The following CSMD3 variants were observed in gnomAD, a reference collection of about 807,000 sequenced individuals.
CSMD3 encodes CUB and Sushi multiple domains 3.
Under a neutral mutation model 435.2 loss-of-function variants are expected in CSMD3, and 177 were observed. The ratio of observed to expected loss-of-function variants is 0.41; its 90% CI spans 0.36 to 0.46. The LOEUF is 0.46. Ranked by LOEUF, CSMD3 falls within the 20% of genes least tolerant of loss-of-function variation. The pLI is 0.34. For synonymous variants in CSMD3, 1,656 were observed against 1,520.5 expected (o/e 1.09, Z -2.07); for missense variants, 4,265 against 4,504.6 (o/e 0.95, Z 1.52).
intron 20 of CSMD3, among the ~76,000 whole-genome samples, chr8:112,639,817 A>G (rs2074769650): frequency 2.0e-5 from 3 of 152,044 alleles, no homozygotes; most frequent in African/African-American, 7.2e-5. Flanking sequence ...TACCACATCT[A>G]TTTACCTGTT....
chr8:112,893,262 T>C (rs1199812049), intron 10 of CSMD3, among the ~76,000 whole-genome samples: 2 of 151,360 alleles, frequency 1.3e-5, no homozygotes, highest in Non-Finnish European at 3.0e-5. Context: ...GAAATTAAAG[T>C]TTTAGTTAGA....
intron 1 of CSMD3, among the ~76,000 whole-genome samples, chr8:113,395,511 A>C (rs1394830686): frequency 6.6e-6 from 1 of 151,200 alleles, no homozygotes; most frequent in Non-Finnish European, 1.5e-5. Flanking sequence ...CGGGAGGCTG[A>C]GGCAGGATAA....
Position 112,224,646 on chromosome 8 carries a change from T to C in CSMD3, c.*125A>G. On this transcript the variant is annotated 3_prime_UTR_variant, in exon 71 of 71. Coordinates refer to ENST00000297405, the MANE Select transcript of CSMD3 (RefSeq NM_198123.2). ...TATGAAAAAACACTCTTCTGTATCA[T>C]TCCTCAGGAAAAGGTGACCCAGCAA... is the stretch of plus-strand genomic sequence containing the variant. The C allele has an allele frequency of 1.1e-6, 1 of 892,296 alleles. No homozygotes were observed. Among genetic ancestry groups the C allele is most frequent in the East Asian group, 2.4e-5 (1 of 41,392 alleles). The allele number at this position is 892,296 out of a possible 1,614,324, so 55.3% of individuals were successfully genotyped here. A position where few individuals can be genotyped will look rare whatever the true frequency, so the allele number is the denominator to read the frequency against.
At chr8:112,561,889 G>GCACACT (rs2131252362) in intron 24 of CSMD3, among the ~76,000 whole-genome samples, 1 of 151,450 alleles carries the variant, frequency 6.6e-6, no homozygotes, top group South Asian at 2.1e-4. Flanking sequence ...GCACACATGC[G>GCACACT]CACACTCACA....
intron 31 of CSMD3, among the ~76,000 whole-genome samples, chr8:112,475,624 C>T (rs1019655055): frequency 1.3e-5 from 2 of 151,058 alleles, no homozygotes; most frequent in Admixed American, 6.6e-5. Context: ...AAAGTAATTG[C>T]GGTTTTGGGC....
rs769803055 is a variant in CSMD3, at chr8:112,645,184, A to C, written c.3235T>G (p.Leu1079Val). 6.2e-5 allele frequency: 100 copies of C among 1,607,606 alleles called. No homozygotes were observed. The highest frequency in any genetic ancestry group is 8.1e-5 in the Non-Finnish European group (95 of 1,174,256). Residue 1079 changes from leucine (L) to valine (V), a missense_variant, in exon 20 of 71, where the codon TTA (leucine) becomes GTA (valine). This residue lies in a region of CSMD3 where 3,255 missense variants were observed against 3,380.2 expected (regional missense o/e 0.96). Coordinates refer to ENST00000297405, the MANE Select transcript of CSMD3 (RefSeq NM_198123.2). ...GDVRGPSGTILSPGYPEFYPN... is the reference protein window; with the variant it reads ...GDVRGPSGTIVSPGYPEFYPN... ...TAAAATTCCGGGTAACCAGGTGATAAGATTGTTCCACTAGGCCCTCTAACA... is the reference window on the plus strand; with the variant it reads ...TAAAATTCCGGGTAACCAGGTGATACGATTGTTCCACTAGGCCCTCTAACA...
intron 3 of CSMD3, among the ~76,000 whole-genome samples, chr8:113,195,409 C>T (rs2092640000): frequency 6.6e-6 from 1 of 150,426 alleles, no homozygotes. Context: ...AATTGGTAGG[C>T]TAGGAAAAAT....
chr8:113,081,331 A>T (rs1248114325), intron 5 of CSMD3, among the ~76,000 whole-genome samples: 1 of 152,108 alleles, frequency 6.6e-6, no homozygotes, highest in Non-Finnish European at 1.5e-5. Context: ...GTAGTTGACA[A>T]ATTCTCAGTG....
intron 17 of CSMD3, among the ~76,000 whole-genome samples, chr8:112,661,568 G>A (rs974454776): frequency 1.3e-5 from 2 of 152,030 alleles, no homozygotes; most frequent in Non-Finnish European, 2.9e-5. Context: ...AAGATACTAG[G>A]TGTTTATTTA....
rs77835016 is a variant in CSMD3, at chr8:112,556,998, A to G, written c.4043-44T>C. On this transcript the variant is annotated intron_variant, in intron 24 of 70. Transcript: ENST00000297405. ...TTGATTAAAGGCAAAATTTAGGAGG[A>G]GGATTTAAATCTATACAAATCATTC... is the stretch of plus-strand genomic sequence containing the variant. 5.3e-3 allele frequency: 6,346 copies of G among 1,204,268 alleles called. 223 individuals are homozygous for G. The African/African-American group carries it at 0.076, about 14-fold the overall frequency. 74.6% of individuals were successfully genotyped at this position (1,204,268 alleles called of 1,614,324 possible).
At chr8:112,468,699 A>G (rs938648811) in intron 32 of CSMD3, among the ~76,000 whole-genome samples, 15 of 152,148 alleles carry the variant, frequency 9.9e-5, no homozygotes, top group Admixed American at 2.6e-4. Context: ...AAGAAAAAAC[A>G]ACTGGTGATT....
At chr8:113,375,538 C>CACACACACACATACAAT (rs1320449951) in intron 1 of CSMD3, among the ~76,000 whole-genome samples, 1 of 151,578 alleles carries the variant, frequency 6.6e-6, no homozygotes, top group Admixed American at 6.6e-5. Context: ...CACACACACA[C>CACACACACACATACAAT]ACACACACGT....
rs1484138155 is a variant in CSMD3 at position 112,337,844 on chromosome 8, T to C, written c.6653-113A>G. The C allele has an allele frequency of 1.2e-5, 8 of 683,990 alleles. No individual in the cohort carries two copies. The East Asian group carries it at 1.9e-4, about 16-fold the overall frequency. The allele number at this position is 683,990 out of a possible 1,614,324, so 42.4% of individuals were successfully genotyped here. A position where few individuals can be genotyped will look rare whatever the true frequency, so the allele number is the denominator to read the frequency against. On this transcript the variant is annotated intron_variant, in intron 42 of 70. Transcript: ENST00000297405. Reference sequence around the variant, plus strand: ...TAGATGTGATGCTACTTGCAGTTGATTATAAATAGCAATTCAGGTTTATGA... The same window carrying C: ...TAGATGTGATGCTACTTGCAGTTGACTATAAATAGCAATTCAGGTTTATGA...
At chr8:113,384,801 C>T (rs1208593369) in intron 1 of CSMD3, among the ~76,000 whole-genome samples, 3 of 152,144 alleles carry the variant, frequency 2.0e-5, no homozygotes, top group Non-Finnish European at 4.4e-5. Flanking sequence ...TTCTTTCTGT[C>T]TGCTTTCTAC....
chr8:113,075,430 C>T (rs2089298376), intron 5 of CSMD3, among the ~76,000 whole-genome samples: 1 of 151,750 alleles, frequency 6.6e-6, no homozygotes, highest in East Asian at 1.9e-4. Context: ...TTCATCTATT[C>T]AAACAAGCTA....
intron 10 of CSMD3, among the ~76,000 whole-genome samples, chr8:112,882,793 A>G (rs1357911603): frequency 9.9e-5 from 15 of 152,072 alleles, no homozygotes; most frequent in Admixed American, 9.8e-4. Flanking sequence ...CACTGAAACA[A>G]GTTGAATGAC....
intron 22 of CSMD3, among the ~76,000 whole-genome samples, chr8:112,615,399 T>C (rs2131489981): frequency 6.6e-6 from 1 of 152,200 alleles, no homozygotes; most frequent in South Asian, 2.1e-4. Context: ...TTTTTAAATG[T>C]CCATAGAGTA....
intron 20 of CSMD3, among the ~76,000 whole-genome samples, chr8:112,644,318 A>G (rs1409684445): frequency 6.6e-6 from 1 of 151,986 alleles, no homozygotes; most frequent in Non-Finnish European, 1.5e-5. Context: ...ATGGTAAATT[A>G]AACATGAGTA....
chr8:112,472,396 G>A (rs1463230039), intron 32 of CSMD3, among the ~76,000 whole-genome samples, 195 bp downstream of exon 32: 1 of 152,062 alleles, frequency 6.6e-6, no homozygotes, highest in Non-Finnish European at 1.5e-5. Flanking sequence ...GTTCACCTGT[G>A]TACTTGACTG....
Sources: gnomAD v4.1 joint callset for allele counts (sites outside exome capture counted in the v4.1 genomes callset) on GRCh38, gnomAD v4.1.1 for gene constraint, gnomAD v4.1.1 regional missense constraint, MANE v1.5 for transcripts, NCBI Gene and HGNC (gene_info 2026-07-23, HGNC 2026-07-21) for gene names.